The following KIAA0930 variants were observed in gnomAD, a reference collection of about 807,000 sequenced individuals.
KIAA0930 encodes the protein KIAA0930, also known as uncharacterized protein KIAA0930.
Under a neutral mutation model 43.9 loss-of-function variants are expected in KIAA0930, and 24 were observed. The observed-to-expected ratio is 0.55, with a 90% confidence interval of 0.40 to 0.77. The LOEUF (loss-of-function observed/expected upper bound fraction) is 0.77. Among genes scored for constraint, KIAA0930 ranks in the 30% least tolerant of loss-of-function variants. The probability of loss-of-function intolerance (pLI) is 0.00; values close to 1 mark genes in which losing one functional copy is unlikely to be tolerated. For synonymous variants in KIAA0930, 259 were observed against 216.4 expected (o/e 1.20, Z -1.73); for missense variants, 461 against 574.2 (o/e 0.80, Z 2.02).
intron 1 of KIAA0930, among the ~76,000 whole-genome samples, chr22:45,232,326 T>C (rs976036959): frequency 6.6e-6 from 1 of 152,230 alleles, no homozygotes; most frequent in South Asian, 2.1e-4. Flanking sequence ...TTGCTCCAAG[T>C]GTGAAAAGCA....
chr22:45,215,524 C>T lies in KIAA0930; in HGVS notation c.65-3417G>A, dbSNP rs544692405. Among the ~76,000 whole-genome samples, 8 of 152,300 alleles carry T rather than the reference C, an allele frequency of 5.3e-5. No individual in the cohort carries two copies. In the South Asian group the frequency reaches 1.2e-3, roughly 24 times the overall value. On this transcript the variant is annotated intron_variant, in intron 1 of 9. Transcript: ENST00000336156. The stretch of plus-strand genomic sequence containing the variant: ...ATAACAGCAATAACCACAATGAAGA[C>T]GACGAAAGGAAAGGACACAATATCC...
chr22:45,217,230 G>A (rs561860571), intron 1 of KIAA0930, among the ~76,000 whole-genome samples: 6 of 151,914 alleles, frequency 3.9e-5, no homozygotes, highest in Admixed American at 6.6e-5. Flanking sequence ...GCATGGTGGC[G>A]GGCGCCTGTA....
intron 2 of KIAA0930, among the ~76,000 whole-genome samples, chr22:45,209,154 C>T (rs1455359325): frequency 1.3e-5 from 2 of 152,238 alleles, no homozygotes; most frequent in African/African-American, 4.8e-5. Context: ...CCCATCCACG[C>T]TCCCCTGCTA....
At chr22:45,204,267 G>A (rs755215335) in intron 5 of KIAA0930, among the ~76,000 whole-genome samples, 10 of 152,154 alleles carry the variant, frequency 6.6e-5, no homozygotes, top group Non-Finnish European at 1.3e-4. Context: ...AGGACCGTCA[G>A]CCACCGTCTG....
chr22:45,200,109 C>T (rs1399108356), intron 7 of KIAA0930, 74 bp from the exon 8 acceptor site: 48 of 1,429,494 alleles, frequency 3.4e-5, no homozygotes, highest in Non-Finnish European at 4.0e-5. Flanking sequence ...CCCCTCCTAT[C>T]CCACCCTCAA....
chr22:45,224,322 C>T (rs1015520657), intron 1 of KIAA0930, among the ~76,000 whole-genome samples: 7 of 151,770 alleles, frequency 4.6e-5, no homozygotes, highest in Non-Finnish European at 8.8e-5. Context: ...AAAACAAAGA[C>T]AAAAAAAAGT....
intron 1 of KIAA0930, among the ~76,000 whole-genome samples, chr22:45,212,833 G>A (rs1049180590): frequency 3.9e-5 from 6 of 152,244 alleles, no homozygotes; most frequent in African/African-American, 7.2e-5. Context: ...GACAATGGGC[G>A]GGGGCTCTGA....
chr22:45,204,903 G>A (rs992788861), intron 5 of KIAA0930, among the ~76,000 whole-genome samples: 10 of 152,014 alleles, frequency 6.6e-5, no homozygotes, highest in South Asian at 6.3e-4. Context: ...CCTCCCGCCC[G>A]GGCAGTGCTT....
At chr22:45,233,602 C>A (rs570518921) in intron 1 of KIAA0930, among the ~76,000 whole-genome samples, 1 of 152,220 alleles carries the variant, frequency 6.6e-6, no homozygotes, top group South Asian at 2.1e-4. Context: ...ACCCGGGTGG[C>A]AGGACCTTCA....
intron 7 of KIAA0930, among the ~76,000 whole-genome samples, chr22:45,202,318 C>A (rs940758274): frequency 6.6e-6 from 1 of 152,272 alleles, no homozygotes; most frequent in East Asian, 1.9e-4. Context: ...AAAGCTGCTG[C>A]TGACCTCAGC....
intron 1 of KIAA0930, among the ~76,000 whole-genome samples, chr22:45,219,910 G>C (rs536726685): frequency 6.6e-6 from 1 of 152,014 alleles, no homozygotes; most frequent in South Asian, 2.1e-4. Flanking sequence ...TTTTGGGAAG[G>C]CAATCCTATC....
At chr22:45,232,932 G>A (rs2083863361) in intron 1 of KIAA0930, among the ~76,000 whole-genome samples, 1 of 152,152 alleles carries the variant, frequency 6.6e-6, no homozygotes, top group Admixed American at 6.5e-5. Flanking sequence ...GGGACCCCGT[G>A]GAGTGTTAAT....
Position 45,203,178 on chromosome 22 carries a change from C to T in KIAA0930, c.664G>A (p.Val222Met), listed in dbSNP as rs781727490. 41 of 1,601,014 alleles carry T rather than the reference C, an allele frequency of 2.6e-5. No homozygotes were observed. Among genetic ancestry groups the T allele is most frequent in the East Asian group, 6.7e-5 (3 of 44,522 alleles). Residue 222 changes from valine to methionine, a missense_variant, in exon 7 of 10, where the codon GTG becomes ATG. By Grantham distance (21) the Val-to-Met change is conservative. Transcript: ENST00000336156. Reference protein sequence around the residue: ...LKKVYDNRVSVAARMAQKMSF... With the variant: ...LKKVYDNRVSMAARMAQKMSF... Reference sequence around the variant, plus strand: ...ATCTTCTGTGCCATGCGGGCGGCCACGCTCACCTGGGGGCCGGCGCGGGGC... The same window carrying T: ...ATCTTCTGTGCCATGCGGGCGGCCATGCTCACCTGGGGGCCGGCGCGGGGC...
intron 8 of KIAA0930, among the ~76,000 whole-genome samples, chr22:45,199,094 C>T (rs1021627133): frequency 1.3e-5 from 2 of 152,204 alleles, no homozygotes; most frequent in East Asian, 1.9e-4. Flanking sequence ...GTGACGGCCA[C>T]GCCTGTCCCC....
At chr22:45,200,542 C>T (rs2083578821) in intron 7 of KIAA0930, among the ~76,000 whole-genome samples, 1 of 152,184 alleles carries the variant, frequency 6.6e-6, no homozygotes, top group South Asian at 2.1e-4. Context: ...CCCAGGGCCA[C>T]GCTCCTCATC....
Position 45,194,050 on chromosome 22 carries a change from A to ATTTTTT in KIAA0930, c.*3125_*3126insAAAAAA, listed in dbSNP as rs2083514213. ...GGGGTTTGGGTTTAAAGACCAATGT[A>ATTTTTT]TCTTTTTTTTTTTTTTTTTTTTTTT... On this transcript the variant is annotated 3_prime_UTR_variant, in exon 10 of 10. Coordinates refer to ENST00000336156, the MANE Select transcript of KIAA0930 (RefSeq NM_001009880.2). 1 of 41,614 alleles carries ATTTTTT rather than the reference A, an allele frequency of 2.4e-5. No individual in the cohort carries two copies. Among genetic ancestry groups the ATTTTTT allele is most frequent in the African/African-American group, 7.6e-5 (1 of 13,118 alleles). 2.6% of individuals were successfully genotyped at this position (41,614 alleles called of 1,614,324 possible).
At chr22:45,209,622 C>G (rs1024750889) in intron 2 of KIAA0930, among the ~76,000 whole-genome samples, 1 of 152,204 alleles carries the variant, frequency 6.6e-6, no homozygotes, top group African/African-American at 2.4e-5. Flanking sequence ...CCACCACCGC[C>G]GCCCTGCTCC....
chr22:45,224,286 A>G (rs1045426047), intron 1 of KIAA0930, among the ~76,000 whole-genome samples: 1 of 152,228 alleles, frequency 6.6e-6, no homozygotes, highest in Non-Finnish European at 1.5e-5. Context: ...AGAGTGGTGC[A>G]GTGCACAGAT....
intron 1 of KIAA0930, among the ~76,000 whole-genome samples, chr22:45,230,580 C>CTTT (rs796595254): frequency 1.6e-5 from 2 of 128,666 alleles, no homozygotes; most frequent in African/African-American, 2.9e-5. Context: ...AGATCACATT[C>CTTT]TTTTTTTTTT....
Sources: gnomAD v4.1 joint callset for allele counts (sites outside exome capture counted in the v4.1 genomes callset) on GRCh38, gnomAD v4.1.1 for gene constraint, MANE v1.5 for transcripts, NCBI Gene and HGNC (gene_info 2026-07-23, HGNC 2026-07-21) for gene names.